KIF18B: variants seen among roughly 807,000 people sequenced by gnomAD.
The protein encoded by KIF18B is kinesin family member 18B, also known as kinesin-like protein KIF18B.
KIF18B carries 49 observed loss-of-function variants against 80.9 expected under a neutral mutation model. That is an observed-to-expected ratio of 0.61 (90% CI 0.48 to 0.77). KIF18B has a LOEUF of 0.77. Ranked by LOEUF, KIF18B falls within the 30% of genes least tolerant of loss-of-function variation. KIF18B has a pLI of 0.00. For synonymous variants in KIF18B, 439 were observed against 463.9 expected (o/e 0.95, Z 0.69); for missense variants, 994 against 1,127.7 (o/e 0.88, Z 1.70).
chr17:44,934,462 T>C lies in KIF18B; in HGVS notation c.688-32A>G. ...GCAGATGGCAGGGGTGAGGGGGAGA[T>C]GGGCATCAGGGGCACTGGTTTCAGG... is the stretch of plus-strand genomic sequence containing the variant. On this transcript the variant is annotated intron_variant, in intron 5 of 15. Transcript: ENST00000593135. The surrounding 1 kb of genome is among the most constrained non-coding windows in gnomAD (Gnocchi z 5.4). 1 of 1,604,392 alleles carries C rather than the reference T, an allele frequency of 6.2e-7. No homozygotes were observed. Among genetic ancestry groups the C allele is most frequent in the Admixed American group, 1.7e-5 (1 of 59,058 alleles).
Position 44,934,218 on chromosome 17 carries a change from C to A in KIF18B, c.885+15G>T. The A allele has an allele frequency of 6.2e-7, 1 of 1,604,166 alleles. No homozygotes were observed. The highest frequency in any genetic ancestry group is 8.5e-7 in the Non-Finnish European group (1 of 1,174,780). ...GTTGCTATCCTGGGGAGAATACTGG[C>A]CTGTGCTGCTTTACCTTTGCATCGG... On this transcript the variant is annotated intron_variant, in intron 6 of 15. Transcript: ENST00000593135. This position sits in a 1 kb window ranked among gnomAD's most constrained non-coding sequence, Gnocchi z 5.4.
Position 44,927,022 on chromosome 17 carries a change from C to T in KIF18B, c.2333G>A (p.Gly778Glu), listed in dbSNP as rs772608829. 6.8e-6 allele frequency: 11 copies of T among 1,612,566 alleles called. No homozygotes were observed. In the East Asian group the frequency reaches 2.5e-4, roughly 36 times the overall value. The change falls in exon 14 of 16, where the codon GGG (glycine) becomes GAG (glutamate). Residue 778 changes from glycine to glutamate, a missense_variant. Coordinates refer to ENST00000593135, the MANE Select transcript of KIF18B (RefSeq NM_001265577.2). This position sits in a 1 kb window ranked among gnomAD's most constrained non-coding sequence, Gnocchi z 4.1. ...GCGCTTCTTCTTGCAGGCAGAGGTC[C>T]CAGGGAGGGAAGATGTTGGCTTGGG... ...KGPKPTSSLP[G>E]TSACKKKRVA...
In KIF18B at chr17:44,934,755, G is replaced by A. The variant is rs2052242220; in HGVS notation, c.576+76C>T. On this transcript the variant is annotated intron_variant, in intron 4 of 15. Transcript: ENST00000593135. The surrounding 1 kb of genome is among the most constrained non-coding windows in gnomAD (Gnocchi z 5.4). ...TGCTACCACCATCACAGGACCCAGG[G>A]CATCCCCAAACAGTTTTGTGAGGGA... 16 of 1,304,606 alleles carry A rather than the reference G, an allele frequency of 1.2e-5. No homozygotes were observed. Among genetic ancestry groups the A allele is most frequent in the South Asian group, 5.6e-5 (4 of 71,870 alleles). The allele number at this position is 1,304,606 out of a possible 1,614,324, so 80.8% of individuals were successfully genotyped here. A position where few individuals can be genotyped will look rare whatever the true frequency, so the allele number is the denominator to read the frequency against.
Position 44,934,085 on chromosome 17 carries a change from A to G in KIF18B, c.900T>C (p.His300=). The change falls in exon 7 of 16, where the codon CAT becomes CAC. Residue 300 remains histidine (H), a synonymous_variant. Coordinates refer to ENST00000593135, the MANE Select transcript of KIF18B (RefSeq NM_001265577.2). The surrounding 1 kb of genome is among the most constrained non-coding windows in gnomAD (Gnocchi z 5.4). ...TCAGTTTGCTGTCCCGGTAGGGCAC[A>G]TGGGTCTTGCGGCCCTGGGGGGCAG... is the stretch of plus-strand genomic sequence containing the variant. The part of the protein sequence containing the change: ...ALADAKGRKT[H]VPYRDSKLTR... 1 of 1,612,640 alleles carries G rather than the reference A, an allele frequency of 6.2e-7. No individual in the cohort carries two copies. Among genetic ancestry groups the G allele is most frequent in the Non-Finnish European group, 8.5e-7 (1 of 1,179,448 alleles).
intron 3 of KIF18B, 115 bp from the exon 4 acceptor site, chr17:44,935,050 G>A: frequency 1.1e-6 from 1 of 904,976 alleles, no homozygotes; most frequent in Non-Finnish European, 1.7e-6. Flanking sequence ...CCACAGAAGT[G>A]GCGCTTCCCA....
intron 1 of KIF18B, among the ~76,000 whole-genome samples, chr17:44,940,872 T>C (rs369364569): frequency 1.3e-5 from 2 of 152,164 alleles, no homozygotes; most frequent in Non-Finnish European, 2.9e-5. Flanking sequence ...TTCGTCCCCA[T>C]ATAAAACAAG....
intron 15 of KIF18B, 36 bp from the exon 16 acceptor site, chr17:44,926,222 C>T (rs545911447): frequency 1.1e-5 from 17 of 1,611,962 alleles, no homozygotes; most frequent in East Asian, 6.7e-5. Flanking sequence ...GGGAGTGCAG[C>T]GAGGAAGGAA....
At chr17:44,935,874 G>A (rs2052277035) in intron 2 of KIF18B, among the ~76,000 whole-genome samples, 158 bp downstream of exon 2, 1 of 152,184 alleles carries the variant, frequency 6.6e-6, no homozygotes, top group Non-Finnish European at 1.5e-5. Flanking sequence ...ATGAATGAAT[G>A]AGTGTCCCAC....
At chr17:44,928,640 GC>G in intron 12 of KIF18B, 62 bp from the exon 13 acceptor site, 1 of 1,422,304 alleles carries the variant, frequency 7.0e-7, no homozygotes, top group Non-Finnish European at 9.2e-7. Flanking sequence ...ACATGAAGGA[GC>G]CCATAACCCC....
chr17:44,943,260 C>T lies in KIF18B; in HGVS notation c.-15+4368G>A, dbSNP rs769946381. ...GACTACAGGCGCCCGCCACCACGCC[C>T]GACTAATTTTTTGTATTTTTTAGTA... On this transcript the variant is annotated intron_variant, in intron 1 of 15. Transcript: ENST00000593135. Among the ~76,000 whole-genome samples the T allele has an allele frequency of 1.4e-4, 21 of 152,008 alleles. 1 individual carries two copies. Among genetic ancestry groups the T allele is most frequent in the Admixed American group, 5.9e-4 (9 of 15,266 alleles).
At position 44,932,612 on chromosome 17, in the gene KIF18B, G is replaced by A. The variant is rs150345320; in HGVS notation, c.1238+61C>T. Reference sequence around the variant, plus strand: ...AGTCCTCCAGAAACTGGAGAAGAGGGCCTGGCTCCCCATCCTGGCTGAGCT... The same window carrying A: ...AGTCCTCCAGAAACTGGAGAAGAGGACCTGGCTCCCCATCCTGGCTGAGCT... On this transcript the variant is annotated intron_variant, in intron 9 of 15. Coordinates refer to ENST00000593135, the MANE Select transcript of KIF18B (RefSeq NM_001265577.2). 2.6e-3 allele frequency: 2,356 copies of A among 901,194 alleles called. 34 individuals are homozygous for A. In the African/African-American group the frequency reaches 0.03, roughly 12 times the overall value. 55.8% of individuals were successfully genotyped at this position (901,194 alleles called of 1,614,324 possible).
At chr17:44,936,393 C>T in intron 1 of KIF18B, 35 bp from the exon 2 acceptor site, 4 of 1,545,300 alleles carry the variant, frequency 2.6e-6, no homozygotes, top group South Asian at 1.2e-5. Flanking sequence ...GGACCAATCC[C>T]ACCCCAGGCC....
chr17:44,932,037 T>C lies in KIF18B; in HGVS notation c.1389+19A>G. On this transcript the variant is annotated intron_variant, in intron 10 of 15. Transcript: ENST00000593135. ...TCCAAGCCCTCCCGATACCCAGGCC[T>C]CACACCCCCAAGTCCTACCTCCTCA... 1 of 1,593,942 alleles carries C rather than the reference T, an allele frequency of 6.3e-7. No homozygotes were observed. Among genetic ancestry groups the C allele is most frequent in the African/African-American group, 1.3e-5 (1 of 74,462 alleles).
At position 44,934,577 on chromosome 17, in the gene KIF18B, C is replaced by A; in HGVS notation, c.617G>T (p.Gly206Val). The stretch of plus-strand genomic sequence containing the variant: ...GGGGTGCTGCGTGCGGTTACGGTTC[C>A]CCCTGGTCAGTATCTCCAGCAGCTG... ...AEQLLEILTRGNRNRTQHPTD... is the reference protein window; with the variant it reads ...AEQLLEILTRVNRNRTQHPTD... The change falls in exon 5 of 16, where the codon GGG (glycine) becomes GTG (valine). Residue 206 changes from glycine (G) to valine (V), a missense_variant. Coordinates refer to ENST00000593135, the MANE Select transcript of KIF18B (RefSeq NM_001265577.2). This position sits in a 1 kb window ranked among gnomAD's most constrained non-coding sequence, Gnocchi z 5.4. 6.2e-7 allele frequency: 1 copy of A among 1,612,458 alleles called. No homozygotes were observed. The highest frequency in any genetic ancestry group is 8.5e-7 in the Non-Finnish European group (1 of 1,179,296).
At chr17:44,940,669 C>T (rs545974464) in intron 1 of KIF18B, among the ~76,000 whole-genome samples, 28 of 152,238 alleles carry the variant, frequency 1.8e-4, no homozygotes, top group South Asian at 1.7e-3. Context: ...TGTTCCTGGG[C>T]GTTATGAATA....
rs375028568 is a variant in KIF18B, at chr17:44,926,056, T to A, written c.*24A>T. On this transcript the variant is annotated 3_prime_UTR_variant, in exon 16 of 16. Transcript: ENST00000593135. The stretch of plus-strand genomic sequence containing the variant: ...AGAGGGGCCGGTAGGTTAGGACACC[T>A]TGGTGGTCAGGACATTCTGGCGGTC... The A allele has an allele frequency of 7.0e-5, 113 of 1,613,570 alleles. No individual in the cohort carries two copies. Among genetic ancestry groups the A allele is most frequent in the Non-Finnish European group, 9.5e-5 (112 of 1,179,734 alleles).
intron 1 of KIF18B, among the ~76,000 whole-genome samples, chr17:44,936,628 T>A (rs867199212): frequency 0.017 from 455 of 27,436 alleles, no homozygotes; most frequent in African/African-American, 0.019. Context: ...ATATATATTT[T>A]TTTTTTTTTT....
Position 44,936,298 on chromosome 17 carries a change from G to A in KIF18B, c.47C>T (p.Pro16Leu), listed in dbSNP as rs2052290351. ...STLQVVVRVR[P>L]PTPRELDSQR... The stretch of plus-strand genomic sequence containing the variant: ...ACTGTCCAGCTCCCGAGGGGTGGGG[G>A]GCCGCACCCGTACCACTACTTGCAG... The change falls in exon 2 of 16, where the codon CCC (proline) becomes CTC (leucine). Residue 16 changes from proline to leucine, a missense_variant. By Grantham distance (98) the Pro-to-Leu change is moderately conservative. Transcript: ENST00000593135. 1 of 1,609,990 alleles carries A rather than the reference G, an allele frequency of 6.2e-7. No individual in the cohort carries two copies. Among genetic ancestry groups the A allele is most frequent in the African/African-American group, 1.3e-5 (1 of 74,788 alleles).
intron 1 of KIF18B, among the ~76,000 whole-genome samples, chr17:44,943,382 G>A (rs1021927658): frequency 1.3e-5 from 2 of 152,162 alleles, no homozygotes; most frequent in Non-Finnish European, 1.5e-5. Flanking sequence ...TTACAGGTGT[G>A]AGCCACCGCG....
Sources: gnomAD v4.1 joint callset for allele counts (sites outside exome capture counted in the v4.1 genomes callset) on GRCh38, gnomAD v4.1.1 for gene constraint, Gnocchi (gnomAD v3.1) non-coding constraint, MANE v1.5 for transcripts, NCBI Gene and HGNC (gene_info 2026-07-23, HGNC 2026-07-21) for gene names.